Variants in ACTR3B observed in about 807,000 individuals in gnomAD.
ACTR3B encodes actin related protein 3B.
Under a neutral mutation model 59.0 loss-of-function variants are expected in ACTR3B, and 8 were observed. That is an observed-to-expected ratio of 0.14 (90% confidence interval 0.08 to 0.24). The LOEUF is 0.24. Ranked by LOEUF, ACTR3B falls within the 10% of genes least tolerant of loss-of-function variation. ACTR3B has a pLI of 1.00. For missense variants in ACTR3B, 245 were observed against 552.3 expected, an observed-to-expected ratio of 0.44 and a Z score of 5.58; for synonymous variants, 148 against 197.9, an observed-to-expected ratio of 0.75 and a Z score of 2.12.
At chr7:152,827,557 C>T (rs1796673437) in intron 9 of ACTR3B, among the ~76,000 whole-genome samples, 1 of 151,424 alleles carries the variant, frequency 6.6e-6, no homozygotes, top group Non-Finnish European at 1.5e-5. Flanking sequence ...TATTTCTTTG[C>T]ACGTGGTTCA....
intron 2 of ACTR3B, among the ~76,000 whole-genome samples, chr7:152,798,374 A>G (rs571748988): frequency 6.6e-6 from 1 of 151,804 alleles, no homozygotes; most frequent in Admixed American, 6.6e-5. Flanking sequence ...CTCATTTTTC[A>G]CTTGGGTTAT....
Position 152,759,878 on chromosome 7 carries a change from C to G in ACTR3B, c.-5C>G, listed in dbSNP as rs1407318762. On this transcript the variant is annotated 5_prime_UTR_variant, in exon 1 of 12. Coordinates refer to ENST00000256001, the MANE Select transcript of ACTR3B (RefSeq NM_020445.6). The stretch of plus-strand genomic sequence containing the variant: ...CGGCGGGGCCGAGCGCCGCGCGTCC[C>G]GAGCATGGCAGGCTCCCTGCCTCCC... The G allele has an allele frequency of 1.0e-5, 14 of 1,335,430 alleles. No individual in the cohort carries two copies. Among genetic ancestry groups the G allele is most frequent in the African/African-American group, 1.5e-5 (1 of 66,370 alleles). 82.7% of individuals were successfully genotyped at this position (1,335,430 alleles called of 1,614,324 possible).
intron 3 of ACTR3B, among the ~76,000 whole-genome samples, chr7:152,801,209 A>T (rs1357910481): frequency 6.6e-6 from 1 of 152,254 alleles, no homozygotes; most frequent in Non-Finnish European, 1.5e-5. Flanking sequence ...CTTCCCAAGT[A>T]GGTGGGACTA....
At chr7:152,772,788 A>G (rs2098127203) in intron 1 of ACTR3B, among the ~76,000 whole-genome samples, 1 of 148,866 alleles carries the variant, frequency 6.7e-6, no homozygotes, top group Non-Finnish European at 1.5e-5. Context: ...TCTTGGAGAA[A>G]TAAGCCAGAA....
intron 1 of ACTR3B, 128 bp downstream of exon 1, chr7:152,760,054 T>C (rs1195524268): frequency 2.4e-6 from 2 of 838,866 alleles, no homozygotes; most frequent in East Asian, 3.6e-5. Context: ...CCTGGGCAGG[T>C]GGGGCGCCGG....
Position 152,854,793 on chromosome 7 carries a change from C to T in ACTR3B, c.*240C>T, listed in dbSNP as rs1799134517. ...CTCCTCACCCTCGCTCTCCCTCCTC[C>T]TCCTCCTCCGAGCTGCTAGCTGACA... On this transcript the variant is annotated 3_prime_UTR_variant, in exon 12 of 12. Coordinates refer to ENST00000256001, the MANE Select transcript of ACTR3B (RefSeq NM_020445.6). The surrounding 1 kb of genome is among the most constrained non-coding windows in gnomAD (Gnocchi z 4.9). 2.1e-6 allele frequency: 1 copy of T among 470,642 alleles called. No homozygotes were observed. The highest frequency in any genetic ancestry group is 3.8e-6 in the Non-Finnish European group (1 of 261,900). 29.2% of individuals were successfully genotyped at this position (470,642 alleles called of 1,614,324 possible).
intron 9 of ACTR3B, among the ~76,000 whole-genome samples, chr7:152,849,406 A>C (rs1273205484): frequency 3.3e-5 from 5 of 152,172 alleles, no homozygotes; most frequent in Non-Finnish European, 7.4e-5. Context: ...CCTGGTTCCC[A>C]GCCCTGAAGG....
intron 1 of ACTR3B, among the ~76,000 whole-genome samples, chr7:152,761,306 C>G (rs756812281): frequency 6.6e-6 from 1 of 152,298 alleles, no homozygotes; most frequent in East Asian, 1.9e-4. Flanking sequence ...CCTCAGGTCC[C>G]CTCAGGTCTG....
intron 4 of ACTR3B, chr7:152,812,601 A>G (rs1372375525): frequency 7.3e-6 from 1 of 136,484 alleles, no homozygotes; most frequent in African/African-American, 2.5e-5. Context: ...TTTGATACAT[A>G]TAATGTGTGG....
At chr7:152,769,350 G>A (rs2098118732) in intron 1 of ACTR3B, among the ~76,000 whole-genome samples, 1 of 152,186 alleles carries the variant, frequency 6.6e-6, no homozygotes, top group African/African-American at 2.4e-5. Context: ...AGCATATCAA[G>A]TAGCCTTCTA....
intron 1 of ACTR3B, among the ~76,000 whole-genome samples, chr7:152,781,515 A>C (rs1237372633): frequency 6.6e-6 from 1 of 152,134 alleles, no homozygotes; most frequent in African/African-American, 2.4e-5. Context: ...TCATAGTCTA[A>C]CAGTGTGGGA....
chr7:152,850,409 G>T (rs1482854869), intron 9 of ACTR3B, among the ~76,000 whole-genome samples: 1 of 151,762 alleles, frequency 6.6e-6, no homozygotes, highest in African/African-American at 2.4e-5. Flanking sequence ...ATCACTGGTG[G>T]CTTCTCCAGG....
chr7:152,788,610 A>G (rs1413509996), intron 2 of ACTR3B, among the ~76,000 whole-genome samples: 1 of 151,758 alleles, frequency 6.6e-6, no homozygotes, highest in Non-Finnish European at 1.5e-5. Context: ...ACGGGATTTC[A>G]CTATGTTGGC....
intron 1 of ACTR3B, among the ~76,000 whole-genome samples, chr7:152,771,743 A>T (rs145161729): frequency 0.011 from 1,606 of 152,360 alleles, 19 homozygotes; most frequent in Non-Finnish European, 0.017. Context: ...AAAAATTCAG[A>T]GTCATTAAAA....
intron 1 of ACTR3B, among the ~76,000 whole-genome samples, chr7:152,762,325 A>G (rs531110534): frequency 6.6e-6 from 1 of 152,360 alleles, no homozygotes. Context: ...CTCTGAGCCA[A>G]ACTTTTCAAA....
chr7:152,794,837 C>A (rs1426108004), intron 2 of ACTR3B, among the ~76,000 whole-genome samples: 1 of 152,142 alleles, frequency 6.6e-6, no homozygotes, highest in African/African-American at 2.4e-5. Context: ...CCACTTCACT[C>A]GTGCTTTCTT....
intron 2 of ACTR3B, among the ~76,000 whole-genome samples, chr7:152,789,051 A>AACAAC (rs1554435494): frequency 2.0e-5 from 2 of 99,416 alleles, no homozygotes; most frequent in Non-Finnish European, 4.6e-5. Context: ...CAACAACAAC[A>AACAAC]AACAGCAACA....
At chr7:152,845,950 C>T (rs1488183580) in intron 9 of ACTR3B, among the ~76,000 whole-genome samples, 1 of 152,186 alleles carries the variant, frequency 6.6e-6, no homozygotes, top group South Asian at 2.1e-4. Context: ...GAAGAAAAAT[C>T]TGAAATGAAT....
intron 1 of ACTR3B, among the ~76,000 whole-genome samples, chr7:152,763,352 T>C (rs2098096792): frequency 7.3e-6 from 1 of 137,658 alleles, no homozygotes; most frequent in Non-Finnish European, 1.6e-5. Flanking sequence ...AAGTCATTTG[T>C]GGGGGAATAT....
Sources: gnomAD v4.1 joint callset for allele counts (sites outside exome capture counted in the v4.1 genomes callset) on GRCh38, gnomAD v4.1.1 for gene constraint, Gnocchi (gnomAD v3.1) non-coding constraint, MANE v1.5 for transcripts, NCBI Gene and HGNC (gene_info 2026-07-23, HGNC 2026-07-21) for gene names.